Variants in TBC1D5 observed in about 807,000 individuals in gnomAD.
The protein encoded by TBC1D5 is TBC1 domain family, member 5.
Under a neutral mutation model 100.3 loss-of-function variants are expected in TBC1D5, and 75 were observed. The ratio of observed to expected loss-of-function variants is 0.75; its 90% CI spans 0.62 to 0.91. TBC1D5 has a LOEUF of 0.91. Among genes scored for constraint, TBC1D5 ranks in the 40% least tolerant of loss-of-function variants. The pLI is 0.00. For missense variants in TBC1D5, 910 were observed against 942.4 expected, an observed-to-expected ratio of 0.97 and a Z score of 0.45; for synonymous variants, 323 against 325.6, an observed-to-expected ratio of 0.99 and a Z score of 0.09.
At chr3:17,331,125 T>C (rs2086811929) in intron 13 of TBC1D5, among the ~76,000 whole-genome samples, 1 of 152,180 alleles carries the variant, frequency 6.6e-6, no homozygotes, top group Non-Finnish European at 1.5e-5. Flanking sequence ...TGGGACAACC[T>C]TGTTTACAAC....
At chr3:17,668,724 G>A (rs1280369514) in intron 1 of TBC1D5, among the ~76,000 whole-genome samples, 1 of 151,754 alleles carries the variant, frequency 6.6e-6, no homozygotes, top group African/African-American at 2.4e-5. Flanking sequence ...TAAAAATTTA[G>A]ATTTTTAACT....
At chr3:17,538,813 C>A (rs998500997) in intron 2 of TBC1D5, among the ~76,000 whole-genome samples, 1 of 152,126 alleles carries the variant, frequency 6.6e-6, no homozygotes, top group Non-Finnish European at 1.5e-5. Flanking sequence ...CTAAGGCAGG[C>A]GGATCACTTG....
chr3:17,721,798 T>G (rs938321139), intron 1 of TBC1D5, among the ~76,000 whole-genome samples: 1 of 151,968 alleles, frequency 6.6e-6, no homozygotes, highest in Admixed American at 6.6e-5. Flanking sequence ...CTGGGCAACA[T>G]GGCAAGACCC....
intron 3 of TBC1D5, among the ~76,000 whole-genome samples, chr3:17,438,672 A>G (rs2094581685): frequency 6.6e-6 from 1 of 152,202 alleles, no homozygotes; most frequent in Non-Finnish European, 1.5e-5. Flanking sequence ...ATTTCTTCAT[A>G]GCAGTGTGAG....
At chr3:17,635,691 C>CT (rs962328112) in intron 1 of TBC1D5, among the ~76,000 whole-genome samples, 17 of 151,996 alleles carry the variant, frequency 1.1e-4, no homozygotes, top group African/African-American at 3.9e-4. Flanking sequence ...GGTCAAATGA[C>CT]TGAGTGTTGA....
chr3:17,549,192 T>C (rs952834486), intron 2 of TBC1D5, among the ~76,000 whole-genome samples: 1 of 152,104 alleles, frequency 6.6e-6, no homozygotes, highest in Admixed American at 6.5e-5. Flanking sequence ...TCCCAGTTAC[T>C]TGGGAGGCTG....
chr3:17,193,913 A>G (rs886208677), intron 18 of TBC1D5, among the ~76,000 whole-genome samples: 7 of 152,250 alleles, frequency 4.6e-5, no homozygotes, highest in Non-Finnish European at 7.3e-5. Flanking sequence ...TGCTCACACT[A>G]GGATATATTT....
chr3:17,688,666 C>G (rs1215535644), intron 1 of TBC1D5, among the ~76,000 whole-genome samples: 1 of 152,188 alleles, frequency 6.6e-6, no homozygotes, highest in Non-Finnish European at 1.5e-5. Context: ...AACTTACTAG[C>G]ATTCACATAT....
chr3:17,631,356 C>T (rs945032372), intron 1 of TBC1D5, among the ~76,000 whole-genome samples: 13 of 151,950 alleles, frequency 8.6e-5, no homozygotes, highest in African/African-American at 2.7e-4. Context: ...TTGATTCCTA[C>T]GGTTGAAAAA....
At chr3:17,422,671 C>CTTATT (rs2094240384) in intron 4 of TBC1D5, among the ~76,000 whole-genome samples, 1 of 152,070 alleles carries the variant, frequency 6.6e-6, no homozygotes, top group African/African-American at 2.4e-5. Flanking sequence ...ATATATAATT[C>CTTATT]TCTTACATAC....
At chr3:17,576,108 T>C (rs142470536) in intron 2 of TBC1D5, among the ~76,000 whole-genome samples, 40 of 152,226 alleles carry the variant, frequency 2.6e-4, no homozygotes, top group Middle Eastern at 3.4e-3. Context: ...AATTGCCTAT[T>C]CTTGGATTTT....
chr3:17,614,578 A>C (rs972470139), intron 2 of TBC1D5, among the ~76,000 whole-genome samples: 2 of 152,166 alleles, frequency 1.3e-5, no homozygotes, highest in African/African-American at 4.8e-5. Context: ...AGTGGTTTGT[A>C]GTTCTCCTTG....
chr3:17,694,112 G>T (rs998701093), intron 1 of TBC1D5, among the ~76,000 whole-genome samples: 5 of 152,142 alleles, frequency 3.3e-5, no homozygotes, highest in Admixed American at 3.3e-4. Context: ...AAAGACCAAA[G>T]GTGGATAAAA....
intron 1 of TBC1D5, among the ~76,000 whole-genome samples, chr3:17,643,573 T>C (rs1317269168): frequency 2.0e-5 from 3 of 152,164 alleles, no homozygotes; most frequent in African/African-American, 7.2e-5. Context: ...CATTTATTAA[T>C]TGTAATTTAA....
At chr3:17,594,074 G>A (rs893086700) in intron 2 of TBC1D5, among the ~76,000 whole-genome samples, 1 of 152,288 alleles carries the variant, frequency 6.6e-6, no homozygotes, top group South Asian at 2.1e-4. Context: ...AGGTAGGAAC[G>A]ATGGCACCAG....
At chr3:17,197,329 T>C (rs2070829668) in intron 18 of TBC1D5, among the ~76,000 whole-genome samples, 1 of 152,142 alleles carries the variant, frequency 6.6e-6, no homozygotes, top group African/African-American at 2.4e-5. Flanking sequence ...TTTTTTAGTG[T>C]TGTACCTCGA....
chr3:17,332,196 G>C (rs1425703997), intron 13 of TBC1D5, among the ~76,000 whole-genome samples: 1 of 152,098 alleles, frequency 6.6e-6, no homozygotes, highest in Non-Finnish European at 1.5e-5. Context: ...ACAAGTGGGG[G>C]TATTCTGGAT....
At chr3:17,451,812 C>T (rs1207786129) in intron 3 of TBC1D5, among the ~76,000 whole-genome samples, 1 of 151,898 alleles carries the variant, frequency 6.6e-6, no homozygotes, top group Non-Finnish European at 1.5e-5. Context: ...AATCCCTGCT[C>T]GGAGGGCTGA....
chr3:17,497,701 A>G (rs903488913), intron 3 of TBC1D5, among the ~76,000 whole-genome samples: 3 of 152,230 alleles, frequency 2.0e-5, no homozygotes, highest in Non-Finnish European at 2.9e-5. Context: ...CTCAATGGCT[A>G]TTAAAGTTTT....
Sources: allele counts gnomAD v4.1 joint callset (sites outside exome capture counted in the v4.1 genomes callset), GRCh38; gene constraint gnomAD v4.1.1; transcripts MANE v1.5; gene names NCBI Gene and HGNC (gene_info 2026-07-23, HGNC 2026-07-21).